Variants in ZNF804B observed in about 807,000 individuals in gnomAD.
ZNF804B encodes zinc finger 804B.
A neutral mutation model predicts 101.4 loss-of-function variants in ZNF804B; 80 were observed. The ratio of observed to expected loss-of-function variants is 0.79; its 90% CI spans 0.66 to 0.95. The LOEUF (loss-of-function observed/expected upper bound fraction) is 0.95. Among genes scored for constraint, ZNF804B ranks in the 40% least tolerant of loss-of-function variants. ZNF804B has a pLI of 0.00. For synonymous variants in ZNF804B, 622 were observed against 558.8 expected (o/e 1.11, Z -1.59); for missense variants, 1,673 against 1,561.9 (o/e 1.07, Z -1.20).
At chr7:88,964,736 G>A (rs1793431642) in intron 1 of ZNF804B, among the ~76,000 whole-genome samples, 1 of 151,400 alleles carries the variant, frequency 6.6e-6, no homozygotes, top group South Asian at 2.1e-4. Context: ...GAAACAACAT[G>A]TCTGGTATTC....
At chr7:89,203,053 A>C (rs1788668574) in intron 1 of ZNF804B, among the ~76,000 whole-genome samples, 1 of 152,024 alleles carries the variant, frequency 6.6e-6, no homozygotes, top group Admixed American at 6.6e-5. Context: ...ACACAAATGC[A>C]CATACAGAAT....
At chr7:89,132,854 T>C (rs1387673905) in intron 1 of ZNF804B, among the ~76,000 whole-genome samples, 3 of 152,036 alleles carry the variant, frequency 2.0e-5, no homozygotes, top group African/African-American at 7.2e-5. Flanking sequence ...TTTTCTTCCT[T>C]ATTCCCAACC....
At chr7:88,790,308 C>T (rs971795101) in intron 1 of ZNF804B, among the ~76,000 whole-genome samples, 11 of 152,036 alleles carry the variant, frequency 7.2e-5, no homozygotes, top group Admixed American at 6.6e-5. Flanking sequence ...AAGTGCAGGA[C>T]GTGCAGATTT....
intron 1 of ZNF804B, among the ~76,000 whole-genome samples, chr7:88,819,669 TAAA>T (rs1790945127): frequency 6.6e-6 from 1 of 152,124 alleles, no homozygotes; most frequent in African/African-American, 2.4e-5. Context: ...CAAATAAAAT[TAAA>T]AAACTATTAA....
chr7:89,301,714 T>C (rs1790477428), intron 2 of ZNF804B, among the ~76,000 whole-genome samples: 1 of 151,830 alleles, frequency 6.6e-6, no homozygotes. Context: ...GCATAGTAGT[T>C]AAGAAAATTA....
intron 1 of ZNF804B, among the ~76,000 whole-genome samples, chr7:88,804,454 T>TCTCAGTTGG (rs1790655027): frequency 6.6e-6 from 1 of 151,916 alleles, no homozygotes; most frequent in Non-Finnish European, 1.5e-5. Context: ...GGAGACTACA[T>TCTCAGTTGG]ATAACACTAA....
intron 2 of ZNF804B, among the ~76,000 whole-genome samples, chr7:89,250,477 A>G (rs776276005): frequency 5.3e-5 from 8 of 152,214 alleles, no homozygotes; most frequent in Non-Finnish European, 1.0e-4. Flanking sequence ...AAAGCCCTGG[A>G]TCAGATGGAT....
chr7:89,130,844 C>A (rs535256016), intron 1 of ZNF804B, among the ~76,000 whole-genome samples: 2 of 152,034 alleles, frequency 1.3e-5, no homozygotes, highest in African/African-American at 4.8e-5. Context: ...CCCTACAAAG[C>A]GTCTAGGGGG....
At chr7:88,968,196 G>A (rs943038571) in intron 1 of ZNF804B, among the ~76,000 whole-genome samples, 4 of 151,452 alleles carry the variant, frequency 2.6e-5, no homozygotes, top group African/African-American at 7.3e-5. Context: ...TATTTAATAA[G>A]GCAATATTAA....
At chr7:89,065,708 T>G (rs893188893) in intron 1 of ZNF804B, among the ~76,000 whole-genome samples, 2 of 152,096 alleles carry the variant, frequency 1.3e-5, no homozygotes, top group Admixed American at 6.6e-5. Context: ...GAGGGGTTTT[T>G]GTTTCCTTGC....
intron 1 of ZNF804B, among the ~76,000 whole-genome samples, chr7:89,171,288 GCTTCTT>G (rs1203060273): frequency 0.026 from 2,131 of 82,202 alleles, 68 homozygotes; most frequent in East Asian, 0.12. Context: ...TGCTGCTGCT[GCTTCTT>G]CTTCTTCTTC....
At chr7:89,220,124 TAC>T (rs1264736957) in intron 2 of ZNF804B, among the ~76,000 whole-genome samples, 1 of 127,644 alleles carries the variant, frequency 7.8e-6, no homozygotes, top group African/African-American at 3.2e-5. Flanking sequence ...TACATATATA[TAC>T]GCACACATAT....
At chr7:88,921,039 A>G (rs1257171817) in intron 1 of ZNF804B, among the ~76,000 whole-genome samples, 1 of 152,064 alleles carries the variant, frequency 6.6e-6, no homozygotes, top group African/African-American at 2.4e-5. Context: ...AAAAATCAGT[A>G]TCCTTGCTGA....
intron 1 of ZNF804B, among the ~76,000 whole-genome samples, chr7:89,127,059 C>A (rs1234854459): frequency 6.6e-6 from 1 of 151,880 alleles, no homozygotes; most frequent in Non-Finnish European, 1.5e-5. Context: ...CCCAACTGTA[C>A]CTGATCATTT....
intron 1 of ZNF804B, among the ~76,000 whole-genome samples, chr7:89,019,695 A>G (rs951537041): frequency 2.6e-5 from 4 of 151,928 alleles, no homozygotes; most frequent in Admixed American, 2.0e-4. Context: ...ATATCCTCTT[A>G]CTGAATTGAT....
intron 1 of ZNF804B, among the ~76,000 whole-genome samples, chr7:89,104,868 A>C (rs1790111506): frequency 6.6e-6 from 1 of 152,074 alleles, no homozygotes; most frequent in African/African-American, 2.4e-5. Context: ...GCAGGAATCA[A>C]ATACTTATCT....
At chr7:88,773,519 G>A (rs1283183968) in intron 1 of ZNF804B, among the ~76,000 whole-genome samples, 22 of 152,194 alleles carry the variant, frequency 1.4e-4, no homozygotes. Flanking sequence ...AAATCACATT[G>A]TGGGAAGAGC....
chr7:88,853,252 G>T (rs1791472324), intron 1 of ZNF804B, among the ~76,000 whole-genome samples: 1 of 152,120 alleles, frequency 6.6e-6, no homozygotes, highest in African/African-American at 2.4e-5. Context: ...AGCTTAAGTA[G>T]TGGCCCTCAC....
chr7:89,205,937 G>C (rs983181055), intron 1 of ZNF804B, among the ~76,000 whole-genome samples: 4 of 152,196 alleles, frequency 2.6e-5, no homozygotes, highest in Non-Finnish European at 5.9e-5. Flanking sequence ...CTTCTACCTG[G>C]ACATACAGGC....
Sources: gnomAD v4.1 joint callset for allele counts (sites outside exome capture counted in the v4.1 genomes callset) on GRCh38, gnomAD v4.1.1 for gene constraint, MANE v1.5 for transcripts, NCBI Gene and HGNC (gene_info 2026-07-23, HGNC 2026-07-21) for gene names.